The following TMLHE variants were observed in gnomAD, a reference collection of about 807,000 sequenced individuals.
TMLHE encodes the protein trimethyllysine dioxygenase, mitochondrial.
Under a neutral mutation model 25.7 loss-of-function variants are expected in TMLHE, and 18 were observed. The ratio of observed to expected loss-of-function variants is 0.70; its 90% CI spans 0.48 to 1.04. TMLHE has a LOEUF of 1.04. TMLHE is among the 50% of genes least tolerant of loss of function. TMLHE has a pLI of 0.00. For missense variants in TMLHE, 236 were observed against 259.0 expected (o/e 0.91, Z 0.61); for synonymous variants, 105 against 97.0 (o/e 1.08, Z -0.49).
chrX:155,514,409 C>T (rs2124342620), intron 3 of TMLHE, 144 bp from the exon 4 acceptor site: 1 of 576,427 alleles, frequency 1.7e-6, no homozygotes, highest in Non-Finnish European at 2.5e-6. Context: ...AAAATGAATG[C>T]CTAGAATGTT....
intron 2 of TMLHE, among the ~76,000 whole-genome samples, chrX:155,527,958 TA>T (rs1347109258): frequency 9.0e-6 from 1 of 111,712 alleles, no homozygotes; most frequent in African/African-American, 3.3e-5. Context: ...TCATTAAAGA[TA>T]AAAACCCAAC....
chrX:155,604,267 C>T (rs1443025759), intron 1 of TMLHE, among the ~76,000 whole-genome samples: 5 of 111,223 alleles, frequency 4.5e-5, no homozygotes, highest in African/African-American at 1.6e-4. Flanking sequence ...CTTTGCTGCC[C>T]TTGGATTGGG....
At chrX:155,605,482 C>T (rs782067426) in intron 1 of TMLHE, among the ~76,000 whole-genome samples, 1 of 111,987 alleles carries the variant, frequency 8.9e-6, no homozygotes, top group Non-Finnish European at 1.9e-5. Context: ...AATTTCATAT[C>T]CAGCCAAACT....
intron 5 of TMLHE, among the ~76,000 whole-genome samples, chrX:155,509,479 A>C (rs1385357077): frequency 1.8e-5 from 2 of 111,762 alleles, no homozygotes; most frequent in Non-Finnish European, 3.8e-5. Context: ...ACAAACAATT[A>C]AACTAAAGCC....
At chrX:155,551,332 G>A (rs1181152598) in intron 1 of TMLHE, among the ~76,000 whole-genome samples, 1 of 107,053 alleles carries the variant, frequency 9.3e-6, no homozygotes, top group Non-Finnish European at 1.9e-5. Context: ...TTAACATTAG[G>A]TATTCTTCCT....
chrX:155,545,023 G>A, intron 2 of TMLHE, 73 bp downstream of exon 2: 2 of 1,083,111 alleles, frequency 1.8e-6, no homozygotes, highest in Admixed American at 2.7e-5. Flanking sequence ...TCCAATTTTT[G>A]ATATATGTGC....
chrX:155,515,526 T>A (rs1235063160), intron 3 of TMLHE, among the ~76,000 whole-genome samples: 1 of 111,565 alleles, frequency 9.0e-6, no homozygotes. Flanking sequence ...TTCAAAGATA[T>A]AAACTTTTAA....
intron 1 of TMLHE, among the ~76,000 whole-genome samples, chrX:155,561,900 G>C (rs1844905745): frequency 1.6e-5 from 1 of 62,885 alleles, no homozygotes; most frequent in African/African-American, 3.5e-5. Flanking sequence ...CTGTGGCTTA[G>C]CAGGGTACAG....
At chrX:155,610,269 A>G (rs2067810975) in intron 1 of TMLHE, among the ~76,000 whole-genome samples, 1 of 112,276 alleles carries the variant, frequency 8.9e-6, no homozygotes, top group Admixed American at 9.4e-5. Context: ...TATTTAGATG[A>G]AATTTTCAGG....
At chrX:155,603,658 GT>G (rs1557347572) in intron 1 of TMLHE, among the ~76,000 whole-genome samples, 1 of 111,956 alleles carries the variant, frequency 8.9e-6, no homozygotes, top group Non-Finnish European at 1.9e-5. Context: ...AAGGTTCCAA[GT>G]CAATTCAACA....
intron 3 of TMLHE, among the ~76,000 whole-genome samples, chrX:155,515,951 T>G (rs2067150133): frequency 9.2e-6 from 1 of 108,878 alleles, no homozygotes; most frequent in Non-Finnish European, 1.9e-5. Flanking sequence ...GACTCCTGCT[T>G]TAATGATTTG....
Position 155,568,371 on chromosome X carries a change from G to C in TMLHE, c.-1-23094C>G, listed in dbSNP as rs1413786520. On this transcript the variant is annotated intron_variant, in intron 1 of 7. Coordinates refer to ENST00000334398, the MANE Select transcript of TMLHE (RefSeq NM_018196.4). ...GGTGGAGCCCACCACAGTTCAAGGA[G>C]GCCTGCCTGCCTCTGTAGGCTCCAC... Among the ~76,000 whole-genome samples the C allele has an allele frequency of 1.8e-4, 11 of 61,856 alleles. 1 individual carries two copies. Among genetic ancestry groups the C allele is most frequent in the African/African-American group, 4.0e-4 (11 of 27,838 alleles). The allele number at this position is 61,856 out of a possible 115,157, so 53.7% of individuals were successfully genotyped here. A position where few individuals can be genotyped will look rare whatever the true frequency, so the allele number is the denominator to read the frequency against.
intron 1 of TMLHE, among the ~76,000 whole-genome samples, chrX:155,591,340 C>T (rs1433383395): frequency 1.8e-5 from 2 of 111,749 alleles, no homozygotes; most frequent in African/African-American, 6.5e-5. Context: ...TTATGGACTA[C>T]CTGACATCAA....
At chrX:155,531,292 C>T (rs1313569419) in intron 2 of TMLHE, among the ~76,000 whole-genome samples, 1 of 111,846 alleles carries the variant, frequency 8.9e-6, no homozygotes, top group African/African-American at 3.3e-5. Flanking sequence ...TTATTTGGCT[C>T]ATGGTTCTGC....
intron 3 of TMLHE, among the ~76,000 whole-genome samples, chrX:155,514,514 T>C (rs1193097965): frequency 1.8e-5 from 2 of 110,901 alleles, no homozygotes; most frequent in Admixed American, 9.6e-5. Context: ...TACAGAATTA[T>C]AGTTATATAG....
At chrX:155,505,124 A>G (rs1167871899) in intron 6 of TMLHE, among the ~76,000 whole-genome samples, 1 of 112,074 alleles carries the variant, frequency 8.9e-6, no homozygotes, top group East Asian at 2.8e-4. Context: ...ATTATACTTT[A>G]AAATTCACTG....
chrX:155,538,048 T>C (rs1001304534), intron 2 of TMLHE, among the ~76,000 whole-genome samples: 3 of 111,414 alleles, frequency 2.7e-5, no homozygotes, highest in Non-Finnish European at 3.8e-5. Context: ...GTCATTTTGC[T>C]GTATGATAGA....
intron 1 of TMLHE, among the ~76,000 whole-genome samples, chrX:155,590,452 C>T (rs1312267585): frequency 9.0e-6 from 1 of 111,708 alleles, no homozygotes; most frequent in Non-Finnish European, 1.9e-5. Context: ...CTCCTTTCTT[C>T]CATCTCTTCT....
chrX:155,583,087 C>G (rs1228328856), intron 1 of TMLHE, among the ~76,000 whole-genome samples: 1 of 111,354 alleles, frequency 9.0e-6, no homozygotes. Flanking sequence ...AAACCAAACA[C>G]CACATGTTCT....
Sources: allele counts gnomAD v4.1 joint callset (sites outside exome capture counted in the v4.1 genomes callset), GRCh38; gene constraint gnomAD v4.1.1; transcripts MANE v1.5; gene names NCBI Gene and HGNC (gene_info 2026-07-23, HGNC 2026-07-21).